KRT8: variants seen among roughly 807,000 people sequenced by gnomAD.
KRT8 encodes the protein keratin, type II cytoskeletal 8.
KRT8 carries 24 observed loss-of-function variants against 43.0 expected under a neutral mutation model. The ratio of observed to expected loss-of-function variants is 0.56; its 90% CI spans 0.40 to 0.78. The LOEUF is 0.78. Among genes scored for constraint, KRT8 ranks in the 30% least tolerant of loss-of-function variants. KRT8 has a pLI of 0.00. For missense variants in KRT8, 492 were observed against 638.4 expected, an observed-to-expected ratio of 0.77 and a Z score of 2.47; for synonymous variants, 214 against 261.2, an observed-to-expected ratio of 0.82 and a Z score of 1.74.
upstream of KRT8, among the ~76,000 whole-genome samples, chr12:52,911,195 T>C (rs986405755): frequency 2.0e-5 from 3 of 151,786 alleles, no homozygotes; most frequent in Non-Finnish European, 4.4e-5. Flanking sequence ...CTACTAAAAA[T>C]ACAGAAATTA....
intron 2 of KRT8, among the ~76,000 whole-genome samples, chr12:52,917,836 C>A (rs1007770937): frequency 6.6e-6 from 1 of 151,154 alleles, no homozygotes; most frequent in African/African-American, 2.4e-5. Flanking sequence ...GCTGAGATTG[C>A]GCCTCTGTAC....
At chr12:52,915,059 C>A (rs991949596) in intron 2 of KRT8, among the ~76,000 whole-genome samples, 9 of 152,100 alleles carry the variant, frequency 5.9e-5, no homozygotes, top group African/African-American at 2.2e-4. Context: ...CCCCACCCAA[C>A]CTATAGAGAA....
chr12:52,922,184 T>TAAAAAAAAAAAAAAA (rs57023136), intron 2 of KRT8, among the ~76,000 whole-genome samples: 1 of 38,728 alleles, frequency 2.6e-5, no homozygotes, highest in Non-Finnish European at 4.4e-5. Context: ...ACCCTGTCTC[T>TAAAAAAAAAAAAAAA]AAAAAAAAAA....
chr12:52,921,067 T>C (rs932870054), intron 2 of KRT8, among the ~76,000 whole-genome samples: 1 of 152,070 alleles, frequency 6.6e-6, no homozygotes, highest in Admixed American at 6.6e-5. Flanking sequence ...TTTAGGAAAA[T>C]CTGTTGACCT....
chr12:52,924,367 T>G (rs1165192004), intron 2 of KRT8, among the ~76,000 whole-genome samples: 1 of 150,874 alleles, frequency 6.6e-6, no homozygotes, highest in East Asian at 2.0e-4. Flanking sequence ...GAGAATGGCA[T>G]GAACCCGGGA....
chr12:52,911,351 C>CAA (rs143605202), upstream of KRT8, among the ~76,000 whole-genome samples: 53 of 147,474 alleles, frequency 3.6e-4, no homozygotes, highest in Non-Finnish European at 6.0e-4. Flanking sequence ...GACTCCGTCT[C>CAA]AAAAAAAAAA....
chr12:52,915,816 G>T (rs182566240), intron 2 of KRT8, among the ~76,000 whole-genome samples: 2 of 152,152 alleles, frequency 1.3e-5, no homozygotes, highest in African/African-American at 4.8e-5. Context: ...CAATAAAGAC[G>T]TGGAACCAGA....
chr12:52,943,745 C>T (rs1396425890), intron 2 of KRT8, among the ~76,000 whole-genome samples: 1 of 152,196 alleles, frequency 6.6e-6, no homozygotes, highest in Non-Finnish European at 1.5e-5. Context: ...ATACCTCCTG[C>T]CCCATGCCTC....
chr12:52,926,489 C>T, intron 2 of KRT8: 1 of 1,534,114 alleles, frequency 6.5e-7, no homozygotes, highest in Non-Finnish European at 8.7e-7. Context: ...GCATCAGGCA[C>T]CTCCCCACAA....
intron 2 of KRT8, among the ~76,000 whole-genome samples, chr12:52,939,025 T>C (rs1384527635): frequency 6.6e-6 from 1 of 151,928 alleles, no homozygotes; most frequent in South Asian, 2.1e-4. Context: ...TTCCAGGCTA[T>C]AGTAAGCTAT....
chr12:52,943,088 T>C (rs1297816816), intron 2 of KRT8, among the ~76,000 whole-genome samples: 1 of 152,174 alleles, frequency 6.6e-6, no homozygotes, highest in Admixed American at 6.6e-5. Flanking sequence ...AACCACACTT[T>C]AGTGCTATTG....
At chr12:52,918,196 G>C (rs1160747360) in intron 2 of KRT8, among the ~76,000 whole-genome samples, 4 of 125,796 alleles carry the variant, frequency 3.2e-5, no homozygotes, top group Non-Finnish European at 5.0e-5. Flanking sequence ...AGAAGAAGAA[G>C]AAGAAGAACA....
chr12:52,914,547 CA>C (rs1257332611), intron 2 of KRT8, among the ~76,000 whole-genome samples: 1 of 152,076 alleles, frequency 6.6e-6, no homozygotes, highest in African/African-American at 2.4e-5. Context: ...CAAAAACAAA[CA>C]AAAAATCCTT....
chr12:52,903,531 T>C (rs1003333240), intron 1 of KRT8: 1 of 152,028 alleles, frequency 6.6e-6, no homozygotes, highest in Non-Finnish European at 1.5e-5. Context: ...CCACAATGCC[T>C]CCCAGGAGCC....
chr12:52,918,385 A>T lies in KRT8; in HGVS notation c.-46-13358T>A, dbSNP rs536049198. The stretch of plus-strand genomic sequence containing the variant: ...CATGCAGGCCTACTGTATGCGCTGC[A>T]TGCATCACCTCATTTAAATTCATAA... On this transcript the variant is annotated intron_variant, in intron 2 of 6. Transcript: ENST00000546826. Among the ~76,000 whole-genome samples, 3 of 152,256 alleles carry T rather than the reference A, an allele frequency of 2.0e-5. No individual in the cohort carries two copies. In the South Asian group the frequency reaches 6.2e-4, roughly 32 times the overall value.
At chr12:52,908,675 C>T (rs1175155364), upstream of KRT8, among the ~76,000 whole-genome samples, 1 of 152,114 alleles carries the variant, frequency 6.6e-6, no homozygotes, top group Non-Finnish European at 1.5e-5. Flanking sequence ...TGCTAAAGAG[C>T]ACAGGGTTTC....
At chr12:52,900,853 C>T in intron 3 of KRT8, 170 bp from the exon 4 acceptor site, 2 of 659,856 alleles carry the variant, frequency 3.0e-6, no homozygotes, top group Non-Finnish European at 2.8e-6. Context: ...TCAGCCCACA[C>T]ACCTTCACCT....
At chr12:52,920,776 TCA>T (rs1941867327) in intron 2 of KRT8, among the ~76,000 whole-genome samples, 1 of 152,112 alleles carries the variant, frequency 6.6e-6, no homozygotes, top group Non-Finnish European at 1.5e-5. Flanking sequence ...GCACAGTGGC[TCA>T]CACCTGTAAT....
intron 2 of KRT8, among the ~76,000 whole-genome samples, chr12:52,930,801 C>T (rs143299108): frequency 6.6e-6 from 1 of 151,948 alleles, no homozygotes; most frequent in African/African-American, 2.4e-5. Flanking sequence ...CTCAAGCAAT[C>T]CTCCCACCTT....
Sources: allele counts gnomAD v4.1 joint callset (sites outside exome capture counted in the v4.1 genomes callset), GRCh38; gene constraint gnomAD v4.1.1; transcripts MANE v1.5; gene names NCBI Gene and HGNC (gene_info 2026-07-23, HGNC 2026-07-21).